Variants in EIF3K observed in about 807,000 individuals in gnomAD.
EIF3K encodes eIF-3 p28.
A neutral mutation model predicts 34.2 loss-of-function variants in EIF3K; 27 were observed. The observed-to-expected ratio is 0.79, with a 90% CI of 0.58 to 1.09. The LOEUF is 1.09. Ranked by LOEUF, EIF3K falls within the 50% of genes least tolerant of loss-of-function variation. The pLI is 0.00. For missense variants in EIF3K, 232 were observed against 275.4 expected (o/e 0.84, Z 1.11); for synonymous variants, 105 against 105.7 (o/e 0.99, Z 0.04).
intron 2 of EIF3K, among the ~76,000 whole-genome samples, chr19:38,621,441 A>G (rs1975838829): frequency 6.6e-6 from 1 of 152,214 alleles, no homozygotes; most frequent in Admixed American, 6.5e-5. Flanking sequence ...ATTACAGAAC[A>G]CATGTACAGG....
At chr19:38,633,010 C>G in intron 6 of EIF3K, 1 of 268,656 alleles carries the variant, frequency 3.7e-6, no homozygotes, top group Admixed American at 5.0e-5. Flanking sequence ...AGTGGTGATT[C>G]CTGTCATGAA....
chr19:38,625,955 A>G (rs894188835), intron 3 of EIF3K, 73 bp from the exon 4 acceptor site: 27 of 1,345,204 alleles, frequency 2.0e-5, no homozygotes, highest in Non-Finnish European at 2.8e-5. Context: ...AGAAGAAGGT[A>G]GGTGGGGAGG....
chr19:38,620,268 C>G, intron 1 of EIF3K, 69 bp from the exon 2 acceptor site: 2 of 1,379,382 alleles, frequency 1.4e-6, no homozygotes, highest in Non-Finnish European at 2.0e-6. Context: ...ACAGTGGCCC[C>G]TTGCTCCATA....
intron 4 of EIF3K, among the ~76,000 whole-genome samples, chr19:38,629,956 C>T (rs977844937): frequency 2.0e-5 from 3 of 152,272 alleles, no homozygotes; most frequent in African/African-American, 4.8e-5. Flanking sequence ...TGGCTGAATA[C>T]ACTTAGCCAA....
intron 7 of EIF3K, 176 bp downstream of exon 7, chr19:38,635,294 G>C: frequency 1.1e-6 from 1 of 882,736 alleles, no homozygotes; most frequent in Non-Finnish European, 1.7e-6. Context: ...AGGAATAGCG[G>C]GGAGCTGGGT....
intron 3 of EIF3K, among the ~76,000 whole-genome samples, chr19:38,624,694 C>T (rs577554248): frequency 6.6e-6 from 1 of 151,946 alleles, no homozygotes; most frequent in South Asian, 2.1e-4. Context: ...GCCGAGATTG[C>T]GCCACTGCAC....
At chr19:38,633,510 C>T (rs1376633100) in intron 6 of EIF3K, among the ~76,000 whole-genome samples, 1 of 152,038 alleles carries the variant, frequency 6.6e-6, no homozygotes, top group African/African-American at 2.4e-5. Flanking sequence ...CCAGCCTGCC[C>T]AACATGGTAA....
In EIF3K at chr19:38,634,025, C is replaced by T. The variant is rs550191064; in HGVS notation, c.500-968C>T. ...CTCCTGACCTCAAGTGATCTGCCCA[C>T]CTTGGCCTCCCAAAGTACTGGGATT... is the stretch of plus-strand genomic sequence containing the variant. On this transcript the variant is annotated intron_variant, in intron 6 of 7. Transcript: ENST00000248342. Among the ~76,000 whole-genome samples, 131 of 150,682 alleles carry T rather than the reference C, an allele frequency of 8.7e-4. 5 individuals are homozygous for T. In the South Asian group the frequency reaches 0.027, roughly 31 times the overall value.
chr19:38,623,407 G>A (rs1401491169), intron 2 of EIF3K, among the ~76,000 whole-genome samples: 1 of 152,212 alleles, frequency 6.6e-6, no homozygotes, highest in Admixed American at 6.5e-5. Context: ...GACCTCAGGT[G>A]ATCCACCCGC....
At chr19:38,634,757 G>A (rs1976152068) in intron 6 of EIF3K, among the ~76,000 whole-genome samples, 1 of 152,186 alleles carries the variant, frequency 6.6e-6, no homozygotes, top group African/African-American at 2.4e-5. Context: ...TAAGGCAGAA[G>A]CCCCACGATG....
At chr19:38,634,424 C>A (rs1599740802) in intron 6 of EIF3K, among the ~76,000 whole-genome samples, 1 of 151,538 alleles carries the variant, frequency 6.6e-6, no homozygotes, top group South Asian at 2.1e-4. Flanking sequence ...CATGGAGAAA[C>A]CCCATCTCTA....
chr19:38,632,124 T>G lies in EIF3K; in HGVS notation c.355-306T>G, dbSNP rs570263233. On this transcript the variant is annotated intron_variant, in intron 4 of 7. Transcript: ENST00000248342. ...TAAGAACGTTGTTGATAGGTAAGAT[T>G]ACCAGTGTAGGCTGGGAGTGGTGGC... 3 of 334,210 alleles carry G rather than the reference T, an allele frequency of 9.0e-6. No individual in the cohort carries two copies. The East Asian group carries it at 1.9e-4, about 22-fold the overall frequency. The allele number at this position is 334,210 out of a possible 1,614,324, so 20.7% of individuals were successfully genotyped here.
chr19:38,634,388 C>T (rs1419700554), intron 6 of EIF3K, among the ~76,000 whole-genome samples: 1 of 149,928 alleles, frequency 6.7e-6, no homozygotes, highest in East Asian at 2.0e-4. Flanking sequence ...CACCTGAGGT[C>T]GGGAGTTCGA....
chr19:38,626,466 C>T (rs1421095045), intron 4 of EIF3K: 2 of 235,878 alleles, frequency 8.5e-6, no homozygotes, highest in Admixed American at 5.2e-5. Flanking sequence ...CCAGCCTGAG[C>T]AACATAGTGA....
At position 38,623,960 on chromosome 19, in the gene EIF3K, T is replaced by C. The variant is rs540469186; in HGVS notation, c.159-117T>C. The C allele has an allele frequency of 1.0e-4, 156 of 1,510,124 alleles. No individual in the cohort carries two copies. The African/African-American group carries it at 1.9e-3, about 19-fold the overall frequency. The allele number at this position is 1,510,124 out of a possible 1,614,324, so 93.5% of individuals were successfully genotyped here. A position where few individuals can be genotyped will look rare whatever the true frequency, so the allele number is the denominator to read the frequency against. On this transcript the variant is annotated intron_variant, in intron 2 of 7. Transcript: ENST00000248342. ...CAGCTGGGAAGCACTGGGACTGGGA[T>C]TGGAACCCAGGCATGTCCAATTCCC...
intron 4 of EIF3K, chr19:38,626,448 G>A (rs1391865160): frequency 3.7e-6 from 1 of 266,938 alleles, no homozygotes; most frequent in Non-Finnish European, 7.2e-6. Context: ...GAGGCCAGGA[G>A]TTCCAGACCA....
intron 6 of EIF3K, among the ~76,000 whole-genome samples, chr19:38,634,786 G>C (rs1402259880): frequency 1.3e-5 from 2 of 152,184 alleles, no homozygotes; most frequent in African/African-American, 4.8e-5. Context: ...AGAGCTCACA[G>C]GCTCCCTCTG....
intron 4 of EIF3K, among the ~76,000 whole-genome samples, chr19:38,629,858 C>T (rs538281226): frequency 1.3e-5 from 2 of 152,216 alleles, no homozygotes; most frequent in Admixed American, 1.3e-4. Flanking sequence ...GGTGAGGGCA[C>T]AGAGGTGACA....
At chr19:38,632,234 A>G in intron 4 of EIF3K, 196 bp from the exon 5 acceptor site, 4 of 570,156 alleles carry the variant, frequency 7.0e-6, no homozygotes, top group Non-Finnish European at 9.3e-6. Context: ...TGGGCAATAT[A>G]GTGAGACCTC....
Sources: allele counts gnomAD v4.1 joint callset (sites outside exome capture counted in the v4.1 genomes callset), GRCh38; gene constraint gnomAD v4.1.1; transcripts MANE v1.5; gene names NCBI Gene and HGNC (gene_info 2026-07-23, HGNC 2026-07-21).